The following PCDHGA4 variants were observed in gnomAD, a reference collection of about 807,000 sequenced individuals.
PCDHGA4 encodes the protein protocadherin gamma subfamily A, 4.
Under a neutral mutation model 54.6 loss-of-function variants are expected in PCDHGA4, and 38 were observed. The observed-to-expected ratio is 0.70, with a 90% CI of 0.54 to 0.91. PCDHGA4 has a LOEUF of 0.91. PCDHGA4 is among the 40% of genes least tolerant of loss of function. The pLI is 0.00. For missense variants in PCDHGA4, 1,298 were observed against 1,220.9 expected, an observed-to-expected ratio of 1.06 and a Z score of -0.94; for synonymous variants, 511 against 512.9, an observed-to-expected ratio of 1.00 and a Z score of 0.05.
At chr5:141,372,324 G>A (rs559633972) in intron 1 of PCDHGA4, 3 of 1,613,704 alleles carry the variant, frequency 1.9e-6, no homozygotes, top group East Asian at 2.2e-5. Context: ...GCGCCTGCTG[G>A]TCACTGTGCG....
At chr5:141,370,393 G>T (rs1277471352) in intron 1 of PCDHGA4, 14 of 1,547,032 alleles carry the variant, frequency 9.0e-6, no homozygotes, top group Non-Finnish European at 1.2e-5. Context: ...GCAGAGAGCG[G>T]GATGGGAAAT....
chr5:141,414,466 G>A, intron 1 of PCDHGA4: 1 of 1,613,872 alleles, frequency 6.2e-7, no homozygotes, highest in Non-Finnish European at 8.5e-7. Flanking sequence ...AGCCACAGAT[G>A]GGGGAAGTCC....
intron 1 of PCDHGA4, chr5:141,418,261 G>T (rs763160633): frequency 1.9e-6 from 3 of 1,613,938 alleles, no homozygotes; most frequent in Non-Finnish European, 2.5e-6. Flanking sequence ...CTCAATTCCG[G>T]AAAGATGAAA....
At position 141,431,353 on chromosome 5, in the gene PCDHGA4, C is replaced by T. The variant is rs1273946805; in HGVS notation, c.2515-63454C>T. 1 of 1,613,940 alleles carries T rather than the reference C, an allele frequency of 6.2e-7. No homozygotes were observed. Among genetic ancestry groups the T allele is most frequent in the Non-Finnish European group, 8.5e-7 (1 of 1,180,042 alleles). On this transcript the variant is annotated intron_variant, in intron 1 of 3. Coordinates refer to ENST00000571252, the MANE Select transcript of PCDHGA4 (RefSeq NM_018917.4). This position sits in a 1 kb window ranked among gnomAD's most constrained non-coding sequence, Gnocchi z 4.8. ...AGTACCCCGAATTGGTGCTGAAACG[C>T]GCCCTGGACCGCGAAGAAAAGGCTG...
chr5:141,489,093 A>T lies in PCDHGA4; in HGVS notation c.2515-5714A>T. ...GCCCACCCCCGCCACTCGGTGACTA[A>T]GAACTGCTGCAAGCAGGCAAACCTC... is the stretch of plus-strand genomic sequence containing the variant. On this transcript the variant is annotated intron_variant, in intron 1 of 3. Coordinates refer to ENST00000571252, the MANE Select transcript of PCDHGA4 (RefSeq NM_018917.4). This position sits in a 1 kb window ranked among gnomAD's most constrained non-coding sequence, Gnocchi z 4.5. 2.1e-6 allele frequency: 1 copy of T among 477,272 alleles called. No individual in the cohort carries two copies. Among genetic ancestry groups the T allele is most frequent in the Non-Finnish European group, 3.6e-6 (1 of 276,700 alleles). The allele number at this position is 477,272 out of a possible 1,614,324, so 29.6% of individuals were successfully genotyped here.
chr5:141,372,531 C>T (rs767186429), intron 1 of PCDHGA4: 1 of 1,614,032 alleles, frequency 6.2e-7, no homozygotes, highest in South Asian at 1.1e-5. Context: ...GGCAATCTCC[C>T]TGCGCCTGCG....
At chr5:141,370,641 AACTT>A in intron 1 of PCDHGA4, 1 of 1,613,910 alleles carries the variant, frequency 6.2e-7, no homozygotes, top group Non-Finnish European at 8.5e-7. Context: ...CGAAAATGGG[AACTT>A]ACTTGTGAGC....
At chr5:141,472,980 C>CAAAAAA (rs60579131) in intron 1 of PCDHGA4, among the ~76,000 whole-genome samples, 7 of 86,100 alleles carry the variant, frequency 8.1e-5, no homozygotes, top group South Asian at 4.3e-4. Context: ...GAGTGAAACT[C>CAAAAAA]AAAAAAAAAA....
At position 141,356,828 on chromosome 5, in the gene PCDHGA4, G is replaced by A; in HGVS notation, c.1721G>A (p.Ser574Asn). ...AGTGACAGTGGAGACCCTCCACTCA[G>A]CAGCAATGTGTCACTGAGCCTCTTT... ...TASDSGDPPL[S>N]SNVSLSLFVL... Residue 574 changes from serine to asparagine, a missense_variant, in exon 1 of 4, where the codon AGC (serine) becomes AAC (asparagine). By Grantham distance (46) the Ser-to-Asn change is conservative. Coordinates refer to ENST00000571252, the MANE Select transcript of PCDHGA4 (RefSeq NM_018917.4). The A allele has an allele frequency of 6.2e-7, 1 of 1,614,146 alleles. No individual in the cohort carries two copies. The highest frequency in any genetic ancestry group is 1.1e-5 in the South Asian group (1 of 91,086).
At chr5:141,448,220 G>A (rs750470070) in intron 1 of PCDHGA4, among the ~76,000 whole-genome samples, 9 of 152,148 alleles carry the variant, frequency 5.9e-5, no homozygotes, top group Non-Finnish European at 1.0e-4. Flanking sequence ...GTATGCGAAT[G>A]TATGTGTGGG....
chr5:141,414,767 AGCTACAGAT>A, intron 1 of PCDHGA4: 2 of 1,614,190 alleles, frequency 1.2e-6, no homozygotes, highest in Middle Eastern at 1.6e-4. Flanking sequence ...CAGTTTCATG[AGCTACAGAT>A]GCAGGTGACA....
intron 1 of PCDHGA4, chr5:141,424,304 C>T (rs909355692): frequency 2.0e-5 from 3 of 152,464 alleles, no homozygotes; most frequent in Admixed American, 2.0e-4. Flanking sequence ...CCTATCAACA[C>T]AGACATATTG....
chr5:141,374,518 C>T (rs766036470), intron 1 of PCDHGA4: 2 of 1,612,420 alleles, frequency 1.2e-6, no homozygotes, highest in South Asian at 1.1e-5. Flanking sequence ...TTCTCGAAAA[C>T]GCAGCTCCAT....
chr5:141,410,524 T>A, intron 1 of PCDHGA4: 1 of 1,613,954 alleles, frequency 6.2e-7, no homozygotes. Context: ...TGCCCCTACA[T>A]TCCAATGAAG....
At chr5:141,440,954 G>A (rs908507291) in intron 1 of PCDHGA4, 9 of 152,184 alleles carry the variant, frequency 5.9e-5, no homozygotes, top group Non-Finnish European at 1.0e-4. Flanking sequence ...GAGTGTCAAG[G>A]CAGAGATCAC....
At position 141,485,709 on chromosome 5, in the gene PCDHGA4, C is replaced by A. The variant is rs2099618118; in HGVS notation, c.2515-9098C>A. On this transcript the variant is annotated intron_variant, in intron 1 of 3. Transcript: ENST00000571252. This position sits in a 1 kb window ranked among gnomAD's most constrained non-coding sequence, Gnocchi z 5.7. ...AGGCTGAGCTCCAATGAACACTTTGCACTGGATGTGAAGAAGCGCAGCGAC... is the reference window on the plus strand; with the variant it reads ...AGGCTGAGCTCCAATGAACACTTTGAACTGGATGTGAAGAAGCGCAGCGAC... The A allele has an allele frequency of 1.2e-6, 2 of 1,614,128 alleles. No homozygotes were observed. The highest frequency in any genetic ancestry group is 1.7e-6 in the Non-Finnish European group (2 of 1,180,028).
At chr5:141,446,873 A>T (rs1324695415) in intron 1 of PCDHGA4, among the ~76,000 whole-genome samples, 1 of 152,132 alleles carries the variant, frequency 6.6e-6, no homozygotes, top group African/African-American at 2.4e-5. Flanking sequence ...CTACACTGGT[A>T]TGTTTTGGGG....
At chr5:141,389,408 G>A (rs2091745894) in intron 1 of PCDHGA4, 6 of 1,613,494 alleles carry the variant, frequency 3.7e-6, no homozygotes, top group Admixed American at 1.7e-5. Flanking sequence ...TAAGCGCGGA[G>A]AGCGGGGTGG....
chr5:141,477,475 C>A lies in PCDHGA4; in HGVS notation c.2515-17332C>A. ...TTCAAGTGTCCGACATCAATGACAA[C>A]CCTCCACAATCTTCTCAATCTTCCT... On this transcript the variant is annotated intron_variant, in intron 1 of 3. Coordinates refer to ENST00000571252, the MANE Select transcript of PCDHGA4 (RefSeq NM_018917.4). The surrounding 1 kb of genome is among the most constrained non-coding windows in gnomAD (Gnocchi z 4.9). The A allele has an allele frequency of 3.1e-6, 5 of 1,614,124 alleles. No homozygotes were observed. The highest frequency in any genetic ancestry group is 4.2e-6 in the Non-Finnish European group (5 of 1,180,030).
Sources: allele counts gnomAD v4.1 joint callset (sites outside exome capture counted in the v4.1 genomes callset), GRCh38; gene constraint gnomAD v4.1.1; non-coding constraint Gnocchi (gnomAD v3.1); transcripts MANE v1.5; gene names NCBI Gene and HGNC (gene_info 2026-07-23, HGNC 2026-07-21).